Variants in MSRA observed in about 807,000 individuals in gnomAD.
MSRA encodes methionine sulfoxide reductase A.
In MSRA, 54 loss-of-function variants were observed where a neutral mutation model predicts 31.3. The observed-to-expected ratio is 1.73, with a 90% CI of 1.39 to 2.17. The LOEUF (loss-of-function observed/expected upper bound fraction) is 2.17. MSRA is among the 30% of genes most tolerant of loss of function. The probability of loss-of-function intolerance (pLI) is 0.00; values close to 1 mark genes in which losing one functional copy is unlikely to be tolerated. For synonymous variants in MSRA, 169 were observed against 116.5 expected (o/e 1.45, Z -2.90); for missense variants, 507 against 300.9 (o/e 1.69, Z -5.07).
chr8:10,087,437 G>T (rs927787787), intron 1 of MSRA, among the ~76,000 whole-genome samples: 1 of 152,208 alleles, frequency 6.6e-6, no homozygotes, highest in Non-Finnish European at 1.5e-5. Context: ...GTTGTTCAGA[G>T]AGTGCTGGAG....
chr8:10,328,053 A>T (rs78247126), intron 5 of MSRA, among the ~76,000 whole-genome samples: 14,056 of 62,724 alleles, frequency 0.22, 1,406 homozygotes, highest in Non-Finnish European at 0.28. Context: ...TTTTTTTTTT[A>T]GTATCAGTGA....
chr8:10,113,211 A>C (rs1388359244), intron 1 of MSRA, among the ~76,000 whole-genome samples: 1 of 143,434 alleles, frequency 7.0e-6, no homozygotes. Context: ...TATGGTGCTT[A>C]TAGGCTGCCC....
chr8:10,384,903 G>A (rs1806292556), intron 5 of MSRA, among the ~76,000 whole-genome samples: 2 of 152,100 alleles, frequency 1.3e-5, no homozygotes, highest in African/African-American at 2.4e-5. Flanking sequence ...TCAGGAAGCT[G>A]AGCCAGAAGG....
chr8:10,065,006 C>T (rs1475825506), intron 1 of MSRA, among the ~76,000 whole-genome samples: 2 of 152,056 alleles, frequency 1.3e-5, no homozygotes, highest in African/African-American at 4.8e-5. Flanking sequence ...GGTAGGCTGT[C>T]ACAGAGCCCC....
intron 1 of MSRA, among the ~76,000 whole-genome samples, chr8:10,205,875 C>G (rs1808919530): frequency 6.6e-6 from 1 of 152,122 alleles, no homozygotes; most frequent in Non-Finnish European, 1.5e-5. Context: ...ATTTCTGTAT[C>G]TCTCTCAAGG....
chr8:10,159,724 T>C (rs1241781800), intron 1 of MSRA, among the ~76,000 whole-genome samples: 1 of 152,160 alleles, frequency 6.6e-6, no homozygotes, highest in African/African-American at 2.4e-5. Flanking sequence ...CATTATCTCT[T>C]AAGTCTTCAT....
intron 5 of MSRA, among the ~76,000 whole-genome samples, chr8:10,424,408 A>T (rs1385492935): frequency 1.6e-5 from 2 of 124,786 alleles, no homozygotes; most frequent in African/African-American, 6.3e-5. Context: ...AGGACCCGGA[A>T]TGGAATAGGA....
intron 3 of MSRA, among the ~76,000 whole-genome samples, chr8:10,256,139 C>G (rs959915960): frequency 9.9e-5 from 15 of 152,142 alleles, no homozygotes; most frequent in Non-Finnish European, 2.1e-4. Context: ...CCCATCCTCC[C>G]CCCCCAACCC....
intron 5 of MSRA, among the ~76,000 whole-genome samples, chr8:10,413,740 G>T (rs996839922): frequency 6.6e-6 from 1 of 151,902 alleles, no homozygotes; most frequent in African/African-American, 2.4e-5. Flanking sequence ...CTGAGTTGGC[G>T]GAAGAAAGAA....
chr8:10,361,343 G>A (rs974039927), intron 5 of MSRA, among the ~76,000 whole-genome samples: 7 of 152,126 alleles, frequency 4.6e-5, no homozygotes, highest in African/African-American at 1.2e-4. Context: ...GTCTGTCTCC[G>A]AAGTTTATTA....
chr8:10,349,469 C>G (rs866392446), intron 5 of MSRA, among the ~76,000 whole-genome samples: 1 of 152,170 alleles, frequency 6.6e-6, no homozygotes, highest in African/African-American at 2.4e-5. Flanking sequence ...TTCTGTGAGG[C>G]CACCCCACTT....
intron 1 of MSRA, among the ~76,000 whole-genome samples, chr8:10,081,890 G>T (rs1038598862): frequency 2.0e-5 from 3 of 152,140 alleles, no homozygotes; most frequent in African/African-American, 7.2e-5. Flanking sequence ...CCCCTCTGCT[G>T]ACTCTTGTCT....
intron 1 of MSRA, among the ~76,000 whole-genome samples, chr8:10,075,870 A>G (rs1352441192): frequency 1.3e-5 from 2 of 152,220 alleles, no homozygotes; most frequent in Non-Finnish European, 2.9e-5. Flanking sequence ...ATACCAAGAT[A>G]TGGAGACTCA....
intron 2 of MSRA, among the ~76,000 whole-genome samples, chr8:10,242,096 AC>A (rs1243948104): frequency 6.6e-6 from 1 of 152,088 alleles, no homozygotes; most frequent in Non-Finnish European, 1.5e-5. Context: ...ACATGGCGAA[AC>A]CCCATCTCTA....
chr8:10,308,450 T>C lies in MSRA; in HGVS notation c.436+6812T>C, dbSNP rs76783150. 1.9e-3 allele frequency among the ~76,000 whole-genome samples: 290 copies of C among 152,332 alleles called. 4 individuals carry two copies. The highest frequency in any genetic ancestry group is 1.2e-3 in the South Asian group (6 of 4,820). On this transcript the variant is annotated intron_variant, in intron 4 of 5. Transcript: ENST00000317173. ...CCACTTGACCACGTAGGTCCTCCAG[T>C]AGTCTACTAACTGGCCTGTCTCACC...
chr8:10,344,157 C>T (rs1803620265), intron 5 of MSRA, among the ~76,000 whole-genome samples: 1 of 152,158 alleles, frequency 6.6e-6, no homozygotes, highest in African/African-American at 2.4e-5. Context: ...GGTGAGAAGA[C>T]CTGGATTCTC....
chr8:10,101,432 C>T (rs1164286124), intron 1 of MSRA, among the ~76,000 whole-genome samples: 1 of 152,074 alleles, frequency 6.6e-6, no homozygotes, highest in Non-Finnish European at 1.5e-5. Flanking sequence ...GTATCAGGTA[C>T]ATTCACATTG....
intron 1 of MSRA, among the ~76,000 whole-genome samples, chr8:10,075,474 C>A (rs1402994491): frequency 6.6e-6 from 1 of 152,104 alleles, no homozygotes; most frequent in Non-Finnish European, 1.5e-5. Flanking sequence ...TAGAGGAGAT[C>A]TGAGTTTTTA....
At chr8:10,184,023 G>A (rs532757186) in intron 1 of MSRA, among the ~76,000 whole-genome samples, 1 of 128,792 alleles carries the variant, frequency 7.8e-6, no homozygotes, top group Non-Finnish European at 1.7e-5. Flanking sequence ...GGTGTTGGTG[G>A]TGTTGGTCTT....
Sources: gnomAD v4.1 joint callset for allele counts (sites outside exome capture counted in the v4.1 genomes callset) on GRCh38, gnomAD v4.1.1 for gene constraint, MANE v1.5 for transcripts, NCBI Gene and HGNC (gene_info 2026-07-23, HGNC 2026-07-21) for gene names.